MAP2K6: variants seen among roughly 807,000 people sequenced by gnomAD.
The protein encoded by MAP2K6 is mitogen-activated protein kinase kinase 6, also known as dual specificity mitogen-activated protein kinase kinase 6.
In MAP2K6, 16 loss-of-function variants were observed where a neutral mutation model predicts 53.7. The observed-to-expected ratio is 0.30, with a 90% CI of 0.20 to 0.45. The LOEUF is 0.45. Ranked by LOEUF, MAP2K6 falls within the 20% of genes least tolerant of loss-of-function variation. The pLI is 1.00. For synonymous variants in MAP2K6, 132 were observed against 143.1 expected, an observed-to-expected ratio of 0.92 and a Z score of 0.55; for missense variants, 204 against 411.9, an observed-to-expected ratio of 0.50 and a Z score of 4.37.
intron 1 of MAP2K6, chr17:69,505,464 A>AAG: frequency 4.8e-6 from 1 of 206,486 alleles, no homozygotes; most frequent in Non-Finnish European, 9.6e-6. Context: ...AAAAAAAAAA[A>AAG]GTTGCAATGA....
chr17:69,522,801 A>G (rs1910547027), intron 7 of MAP2K6, among the ~76,000 whole-genome samples: 1 of 151,820 alleles, frequency 6.6e-6, no homozygotes, highest in Admixed American at 6.6e-5. Flanking sequence ...CACACCTGTA[A>G]TCACAGCCCT....
At chr17:69,458,942 T>G (rs1396892503) in intron 1 of MAP2K6, among the ~76,000 whole-genome samples, 1 of 152,166 alleles carries the variant, frequency 6.6e-6, no homozygotes, top group Non-Finnish European at 1.5e-5. Context: ...TGGAGCACAT[T>G]AAAGCAAACC....
intron 1 of MAP2K6, among the ~76,000 whole-genome samples, chr17:69,428,880 AT>A (rs1906359302): frequency 3.1e-5 from 4 of 129,438 alleles, no homozygotes; most frequent in African/African-American, 9.5e-5. Context: ...TTTTTTTTTA[AT>A]TGTTAATGAC....
At chr17:69,534,613 G>T (rs1281081672) in intron 10 of MAP2K6, among the ~76,000 whole-genome samples, 1 of 150,260 alleles carries the variant, frequency 6.7e-6, no homozygotes, top group Non-Finnish European at 1.5e-5. Context: ...TTCTCAAAGT[G>T]CCTGAACTAC....
intron 1 of MAP2K6, among the ~76,000 whole-genome samples, chr17:69,457,272 C>A (rs556805032): frequency 1.3e-5 from 2 of 152,222 alleles, no homozygotes; most frequent in Admixed American, 6.5e-5. Context: ...AGGACTCCCA[C>A]GCCAGCACCA....
intron 1 of MAP2K6, among the ~76,000 whole-genome samples, chr17:69,428,038 A>G (rs1229004628): frequency 4.6e-5 from 7 of 152,180 alleles, no homozygotes; most frequent in Admixed American, 3.9e-4. Flanking sequence ...ATTGCATTTA[A>G]CAAGCATTAT....
chr17:69,485,509 G>T, intron 1 of MAP2K6: 1 of 966,432 alleles, frequency 1.0e-6, no homozygotes, highest in Non-Finnish European at 1.2e-6. Context: ...TGAAACTACG[G>T]GAACTCCTTT....
intron 1 of MAP2K6, among the ~76,000 whole-genome samples, chr17:69,447,131 C>G (rs145260790): frequency 0.012 from 1,832 of 152,014 alleles, 39 homozygotes; most frequent in African/African-American, 0.042. Context: ...GCATGCGTCA[C>G]CACGCCTGGC....
intron 1 of MAP2K6, among the ~76,000 whole-genome samples, chr17:69,487,698 CTTG>C (rs1029992217): frequency 6.6e-6 from 1 of 152,134 alleles, no homozygotes; most frequent in Non-Finnish European, 1.5e-5. Flanking sequence ...TTCACAGGGT[CTTG>C]TTGTGTTGTT....
intron 1 of MAP2K6, among the ~76,000 whole-genome samples, chr17:69,493,634 G>A (rs114810304): frequency 0.012 from 1,845 of 152,162 alleles, 33 homozygotes; most frequent in African/African-American, 0.04. Flanking sequence ...GGTGGTGTAC[G>A]TCTATAGTCC....
At chr17:69,448,820 G>A (rs952608302) in intron 1 of MAP2K6, among the ~76,000 whole-genome samples, 4 of 152,000 alleles carry the variant, frequency 2.6e-5, no homozygotes, top group Admixed American at 2.0e-4. Context: ...TTCCTTTTTC[G>A]CCTCTCTTTT....
rs1911661494 is a variant in MAP2K6, at chr17:69,541,999, T to C, written c.*246T>C. 3.9e-6 allele frequency: 1 copy of C among 254,104 alleles called. No individual in the cohort carries two copies. Among genetic ancestry groups the C allele is most frequent in the Non-Finnish European group, 7.7e-6 (1 of 130,326 alleles). 15.7% of individuals were successfully genotyped at this position (254,104 alleles called of 1,614,324 possible). Reference sequence around the variant, plus strand: ...TAGGACTTCAAAAGGTGATTAAATATTTAATGATGTGTCATATGAGTCCTC... The same window carrying C: ...TAGGACTTCAAAAGGTGATTAAATACTTAATGATGTGTCATATGAGTCCTC... On this transcript the variant is annotated 3_prime_UTR_variant, in exon 12 of 12. Transcript: ENST00000590474.
chr17:69,446,918 G>C (rs187687444), intron 1 of MAP2K6, among the ~76,000 whole-genome samples: 2 of 151,314 alleles, frequency 1.3e-5, no homozygotes, highest in East Asian at 3.9e-4. Context: ...TCATTCATTG[G>C]ACCACTTGAT....
At chr17:69,491,804 C>A (rs183949365) in intron 1 of MAP2K6, among the ~76,000 whole-genome samples, 1 of 150,852 alleles carries the variant, frequency 6.6e-6, no homozygotes, top group African/African-American at 2.4e-5. Context: ...GTTATTTCAC[C>A]GTGGTTTTGA....
In MAP2K6 at chr17:69,414,764, A is replaced by G; in HGVS notation, c.-221A>G. The stretch of plus-strand genomic sequence containing the variant: ...ATGTAGCTGCAGCACAGCCTTCCCT[A>G]ACGTTGCAACTGGGGGAAAAATCAC... On this transcript the variant is annotated 5_prime_UTR_variant, in exon 1 of 12. Coordinates refer to ENST00000590474, the MANE Select transcript of MAP2K6 (RefSeq NM_002758.4). 1.9e-6 allele frequency: 1 copy of G among 521,984 alleles called. No individual in the cohort carries two copies. The highest frequency in any genetic ancestry group is 3.4e-6 in the Non-Finnish European group (1 of 290,834). 32.3% of individuals were successfully genotyped at this position (521,984 alleles called of 1,614,324 possible).
Position 69,502,783 on chromosome 17 carries a change from T to C in MAP2K6, c.17-2997T>C, listed in dbSNP as rs149859440. On this transcript the variant is annotated intron_variant, in intron 1 of 11. Transcript: ENST00000590474. ...GCCTTCTCCTCCCACTTGGAAGACT[T>C]TACTATTATTTTGGTCTTTTATTCC... The C allele has an allele frequency of 7.6e-3, 6,449 of 849,772 alleles. 25 individuals carry two copies. Among genetic ancestry groups the C allele is most frequent in the Non-Finnish European group, 8.4e-3 (5,956 of 706,188 alleles). The allele number at this position is 849,772 out of a possible 1,614,324, so 52.6% of individuals were successfully genotyped here.
At chr17:69,470,656 G>T (rs1950943928) in intron 1 of MAP2K6, among the ~76,000 whole-genome samples, 2 of 152,176 alleles carry the variant, frequency 1.3e-5, no homozygotes, top group Non-Finnish European at 1.5e-5. Context: ...ATGAAGCAGG[G>T]CATCATCTAA....
At chr17:69,449,718 A>G (rs1356489883) in intron 1 of MAP2K6, among the ~76,000 whole-genome samples, 1 of 131,896 alleles carries the variant, frequency 7.6e-6, no homozygotes, top group Non-Finnish European at 1.5e-5. Context: ...GGTTCACGCC[A>G]TTCTCCTGCC....
Position 69,455,909 on chromosome 17 carries a change from G to A in MAP2K6, c.16+40909G>A, listed in dbSNP as rs1382609267. On this transcript the variant is annotated intron_variant, in intron 1 of 11. Coordinates refer to ENST00000590474, the MANE Select transcript of MAP2K6 (RefSeq NM_002758.4). ...GAGTTTTGCTCTCGTTGCCCAGGCTGGAGTGCAATGGCGCGATCTTGGCTC... is the reference window on the plus strand; with the variant it reads ...GAGTTTTGCTCTCGTTGCCCAGGCTAGAGTGCAATGGCGCGATCTTGGCTC... 2.0e-5 allele frequency among the ~76,000 whole-genome samples: 3 copies of A among 147,226 alleles called. No homozygotes were observed. The South Asian group carries it at 6.5e-4, about 32-fold the overall frequency.
Sources: gnomAD v4.1 joint callset for allele counts (sites outside exome capture counted in the v4.1 genomes callset) on GRCh38, gnomAD v4.1.1 for gene constraint, MANE v1.5 for transcripts, NCBI Gene and HGNC (gene_info 2026-07-23, HGNC 2026-07-21) for gene names.